PLEKHA5: variants seen among roughly 807,000 people sequenced by gnomAD.
PLEKHA5 encodes the protein pleckstrin homology domain-containing family A member 5.
PLEKHA5 carries 55 observed loss-of-function variants against 181.9 expected under a neutral mutation model. The ratio of observed to expected loss-of-function variants is 0.30; its 90% confidence interval spans 0.24 to 0.38. The LOEUF is 0.38. Among genes scored for constraint, PLEKHA5 ranks in the 10% least tolerant of loss-of-function variants. The probability of loss-of-function intolerance (pLI) is 1.00; values close to 1 mark genes in which losing one functional copy is unlikely to be tolerated. For missense variants in PLEKHA5, 1,432 were observed against 1,549.5 expected (o/e 0.92, Z 1.27); for synonymous variants, 535 against 529.4 (o/e 1.01, Z -0.15).
rs117861113 is a variant in PLEKHA5 at position 19,360,559 on chromosome 12, G to A, written c.3483+1013G>A. On this transcript the variant is annotated intron_variant, in intron 28 of 31. Coordinates refer to ENST00000429027, the MANE Select transcript of PLEKHA5 (RefSeq NM_001256470.2). Reference sequence around the variant, plus strand: ...TCAGAGGTTGCAATGAGCTGAGATCGCGCCACACTACCCTGCAGCCTGGAG... The same window carrying A: ...TCAGAGGTTGCAATGAGCTGAGATCACGCCACACTACCCTGCAGCCTGGAG... Among the ~76,000 whole-genome samples the A allele has an allele frequency of 1.6e-4, 24 of 151,256 alleles. No individual in the cohort carries two copies. The East Asian group carries it at 3.5e-3, about 22-fold the overall frequency.
intron 3 of PLEKHA5, among the ~76,000 whole-genome samples, chr12:19,247,766 AAGGT>A (rs1460652443): frequency 2.7e-4 from 41 of 151,826 alleles, no homozygotes; most frequent in African/African-American, 9.4e-4. Context: ...AAAAAAAAAA[AAGGT>A]AGGGGGTGAG....
chr12:19,235,756 G>C (rs1289274530), intron 3 of PLEKHA5, among the ~76,000 whole-genome samples: 1 of 151,976 alleles, frequency 6.6e-6, no homozygotes, highest in African/African-American at 2.4e-5. Flanking sequence ...TATGAAGAAA[G>C]GTTTAACCTC....
chr12:19,157,511 C>T (rs1591843176), intron 3 of PLEKHA5, among the ~76,000 whole-genome samples: 1 of 151,584 alleles, frequency 6.6e-6, no homozygotes, highest in Admixed American at 6.6e-5. Flanking sequence ...TATTTAAATC[C>T]GAAACTATTT....
At chr12:19,372,865 A>C (rs988726669) in intron 31 of PLEKHA5, 2 of 150,090 alleles carry the variant, frequency 1.3e-5, no homozygotes, top group African/African-American at 4.9e-5. Context: ...TCCTGGGCTT[A>C]AGTGATCCTC....
chr12:19,219,515 C>CT (rs11293939), intron 3 of PLEKHA5, among the ~76,000 whole-genome samples: 49 of 143,390 alleles, frequency 3.4e-4, no homozygotes, highest in East Asian at 1.5e-3. Context: ...TGTTTCCCTT[C>CT]TTTTTTTTTT....
chr12:19,267,638 C>T (rs564571363), intron 8 of PLEKHA5, among the ~76,000 whole-genome samples: 4 of 149,916 alleles, frequency 2.7e-5, no homozygotes, highest in East Asian at 4.0e-4. Context: ...CCAGCCTGGG[C>T]GACAGAGTAA....
chr12:19,262,875 A>T (rs1250919351), intron 7 of PLEKHA5, among the ~76,000 whole-genome samples: 1 of 152,136 alleles, frequency 6.6e-6, no homozygotes, highest in African/African-American at 2.4e-5. Context: ...CTATAATAGA[A>T]GTTGGAAAAA....
At chr12:19,209,523 G>A (rs1047255707) in intron 3 of PLEKHA5, among the ~76,000 whole-genome samples, 2 of 152,210 alleles carry the variant, frequency 1.3e-5, no homozygotes, top group African/African-American at 2.4e-5. Flanking sequence ...CACTCAGTGA[G>A]TGCCAAAACT....
chr12:19,326,811 A>G (rs943627202), intron 20 of PLEKHA5, among the ~76,000 whole-genome samples: 2 of 152,212 alleles, frequency 1.3e-5, no homozygotes, highest in Admixed American at 6.5e-5. Context: ...AAGTGAGAAC[A>G]TACGGTATTT....
At chr12:19,277,230 C>T (rs1261390735) in intron 11 of PLEKHA5, among the ~76,000 whole-genome samples, 1 of 152,114 alleles carries the variant, frequency 6.6e-6, no homozygotes, top group Non-Finnish European at 1.5e-5. Flanking sequence ...AAATCCAAAT[C>T]AGAAGATTGG....
chr12:19,268,031 T>A (rs1422617081), intron 8 of PLEKHA5, among the ~76,000 whole-genome samples: 2 of 151,386 alleles, frequency 1.3e-5, no homozygotes, highest in East Asian at 3.9e-4. Context: ...GGTTAAGGGG[T>A]TGGGTGATGG....
intron 3 of PLEKHA5, among the ~76,000 whole-genome samples, chr12:19,209,362 A>G (rs1414541407): frequency 6.6e-6 from 1 of 152,196 alleles, no homozygotes; most frequent in Non-Finnish European, 1.5e-5. Context: ...CCAACAGACT[A>G]TCCACATCAG....
At chr12:19,157,800 T>A (rs1480433870) in intron 3 of PLEKHA5, among the ~76,000 whole-genome samples, 4 of 152,210 alleles carry the variant, frequency 2.6e-5, no homozygotes, top group Admixed American at 2.6e-4. Flanking sequence ...AAAGATTTTT[T>A]ATCAATTGTG....
At chr12:19,282,127 A>G (rs1592312229) in intron 11 of PLEKHA5, among the ~76,000 whole-genome samples, 1 of 152,104 alleles carries the variant, frequency 6.6e-6, no homozygotes, top group East Asian at 1.9e-4. Flanking sequence ...GTATTCTTTC[A>G]TTTTTGGAAA....
At position 19,257,461 on chromosome 12, in the gene PLEKHA5, A is replaced by G; in HGVS notation, c.461A>G (p.Asn154Ser). 1 of 1,606,556 alleles carries G rather than the reference A, an allele frequency of 6.2e-7. No individual in the cohort carries two copies. The highest frequency in any genetic ancestry group is 8.5e-7 in the Non-Finnish European group (1 of 1,174,624). Residue 154 changes from asparagine to serine, a missense_variant, in exon 6 of 32, where the codon AAT (asparagine) becomes AGT (serine). Around this residue, in one of 2 missense-constraint regions of PLEKHA5, gnomAD observed 289 missense variants for 381.1 expected, o/e 0.76. Coordinates refer to ENST00000429027, the MANE Select transcript of PLEKHA5 (RefSeq NM_001256470.2). ...RTSRASKKVH[N>S]FGKRSNSIKR... ...TCACGAGCTTCAAAAAAAGTTCATA[A>G]TTTTGGAAAGAGGTCAAATTCAATT...
At chr12:19,195,721 A>G (rs950203208) in intron 3 of PLEKHA5, among the ~76,000 whole-genome samples, 1 of 150,458 alleles carries the variant, frequency 6.6e-6, no homozygotes, top group Non-Finnish European at 1.5e-5. Context: ...TATTTAGGCT[A>G]TTAACATATA....
At chr12:19,241,935 A>T (rs2062694728) in intron 3 of PLEKHA5, among the ~76,000 whole-genome samples, 1 of 152,312 alleles carries the variant, frequency 6.6e-6, no homozygotes, top group African/African-American at 2.4e-5. Flanking sequence ...TAGTGTGTAC[A>T]TTTTAAGAAT....
chr12:19,265,551 G>A (rs189826935), intron 7 of PLEKHA5, among the ~76,000 whole-genome samples, 199 bp from the exon 8 acceptor site: 212 of 152,284 alleles, frequency 1.4e-3, no homozygotes, highest in Middle Eastern at 3.4e-3. Flanking sequence ...AAGGGGCTTT[G>A]TAGAATGCAG....
intron 3 of PLEKHA5, among the ~76,000 whole-genome samples, chr12:19,156,243 A>G (rs528763340): frequency 6.3e-4 from 94 of 149,500 alleles, no homozygotes; most frequent in African/African-American, 2.3e-3. Flanking sequence ...GGGAGTGAGC[A>G]AGCCAGTCAT....
Sources: allele counts gnomAD v4.1 joint callset (sites outside exome capture counted in the v4.1 genomes callset), GRCh38; gene constraint gnomAD v4.1.1; regional missense constraint gnomAD v4.1.1; transcripts MANE v1.5; gene names NCBI Gene and HGNC (gene_info 2026-07-23, HGNC 2026-07-21).